FGGY: variants seen among roughly 807,000 people sequenced by gnomAD.
FGGY encodes FGGY carbohydrate kinase domain-containing protein.
In FGGY, 72 loss-of-function variants were observed where a neutral mutation model predicts 71.3. The observed-to-expected ratio is 1.01, with a 90% CI of 0.84 to 1.23. FGGY has a LOEUF of 1.23. FGGY is among the 50% of genes most tolerant of loss of function. The probability of loss-of-function intolerance (pLI) is 0.00; values close to 1 mark genes in which losing one functional copy is unlikely to be tolerated. For missense variants in FGGY, 668 were observed against 682.3 expected, an observed-to-expected ratio of 0.98 and a Z score of 0.23; for synonymous variants, 251 against 250.3, an observed-to-expected ratio of 1.00 and a Z score of -0.02.
intron 5 of FGGY, among the ~76,000 whole-genome samples, chr1:59,402,957 C>T (rs61684618): frequency 0.021 from 3,174 of 152,196 alleles, 100 homozygotes; most frequent in African/African-American, 0.072. Context: ...GGGTCCCGGG[C>T]TCCTGAGGCC....
At chr1:59,606,518 T>C (rs906069834) in intron 8 of FGGY, among the ~76,000 whole-genome samples, 1 of 152,226 alleles carries the variant, frequency 6.6e-6, no homozygotes, top group Admixed American at 6.5e-5. Context: ...TTGGCTGTTA[T>C]GTATTAACAT....
intron 14 of FGGY, chr1:59,697,574 T>C (rs1216102751): frequency 1.3e-6 from 1 of 786,480 alleles, no homozygotes; most frequent in African/African-American, 1.8e-5. Context: ...GCTTGTTCTC[T>C]GTGATCTGCT....
chr1:59,339,550 C>T (rs377149254), intron 2 of FGGY, among the ~76,000 whole-genome samples: 3 of 151,900 alleles, frequency 2.0e-5, no homozygotes, highest in Middle Eastern at 3.2e-3. Flanking sequence ...CTGTAACCTC[C>T]GTCTCCCAGG....
chr1:59,463,071 A>G (rs1188020922), intron 6 of FGGY, among the ~76,000 whole-genome samples: 6 of 152,228 alleles, frequency 3.9e-5, no homozygotes, highest in Admixed American at 1.3e-4. Flanking sequence ...ATGTCCATCA[A>G]TGACAGACTG....
chr1:59,525,762 A>G (rs753166217), intron 7 of FGGY, among the ~76,000 whole-genome samples: 9 of 152,180 alleles, frequency 5.9e-5, no homozygotes, highest in Non-Finnish European at 8.8e-5. Context: ...CCTACTGGGG[A>G]CGTTCATAAA....
intron 6 of FGGY, among the ~76,000 whole-genome samples, chr1:59,507,684 ATTT>A (rs561953004): frequency 3.1e-4 from 33 of 106,906 alleles, no homozygotes; most frequent in African/African-American, 1.1e-3. Context: ...TGCTTGGCTA[ATTT>A]TTTTTTTTTT....
chr1:59,451,575 G>A (rs759983287), intron 5 of FGGY, among the ~76,000 whole-genome samples: 15 of 152,080 alleles, frequency 9.9e-5, no homozygotes, highest in Non-Finnish European at 1.8e-4. Context: ...GACACACAGA[G>A]TGAGAAAGGG....
chr1:59,740,894 A>G (rs374218177), intron 14 of FGGY, among the ~76,000 whole-genome samples: 25 of 152,362 alleles, frequency 1.6e-4, no homozygotes, highest in African/African-American at 5.5e-4. Context: ...TGCAATATGT[A>G]AGATACACAC....
At position 59,483,962 on chromosome 1, in the gene FGGY, G is replaced by T. The variant is rs555545285; in HGVS notation, c.670+26886G>T. Among the ~76,000 whole-genome samples, 4 of 152,248 alleles carry T rather than the reference G, an allele frequency of 2.6e-5. No homozygotes were observed. In the East Asian group the frequency reaches 7.7e-4, roughly 29 times the overall value. On this transcript the variant is annotated intron_variant, in intron 6 of 15. Coordinates refer to ENST00000303721, the MANE Select transcript of FGGY (RefSeq NM_018291.5). ...AAAAAAAATAGGGAAAGGAAATAGTGTACTGATAATGGTTATCATTTGTTG... is the reference window on the plus strand; with the variant it reads ...AAAAAAAATAGGGAAAGGAAATAGTTTACTGATAATGGTTATCATTTGTTG...
intron 5 of FGGY, among the ~76,000 whole-genome samples, chr1:59,424,287 G>A (rs567505278): frequency 7.2e-5 from 11 of 152,316 alleles, no homozygotes; most frequent in African/African-American, 2.2e-4. Context: ...TGTGGCTCAC[G>A]CCTGTAATCC....
chr1:59,664,895 A>G (rs919606740), intron 12 of FGGY, among the ~76,000 whole-genome samples: 1 of 152,216 alleles, frequency 6.6e-6, no homozygotes, highest in Non-Finnish European at 1.5e-5. Context: ...CTGACAATCT[A>G]TAGAATTTTT....
intron 6 of FGGY, among the ~76,000 whole-genome samples, chr1:59,473,226 A>G (rs2153551940): frequency 6.6e-6 from 1 of 152,250 alleles, no homozygotes; most frequent in East Asian, 1.9e-4. Flanking sequence ...TCCTGAAGCC[A>G]GCGAGACCAC....
chr1:59,464,701 C>T (rs971284631), intron 6 of FGGY, among the ~76,000 whole-genome samples: 2 of 152,234 alleles, frequency 1.3e-5, no homozygotes, highest in Middle Eastern at 3.4e-3. Flanking sequence ...CACCACCAAT[C>T]CCACAGAAAT....
At chr1:59,572,804 C>T (rs1048283612) in intron 8 of FGGY, among the ~76,000 whole-genome samples, 2 of 152,154 alleles carry the variant, frequency 1.3e-5, no homozygotes, top group African/African-American at 4.8e-5. Context: ...TGAGCTGCTC[C>T]CCAGTGAGTA....
In FGGY at chr1:59,530,077, C is replaced by A. The variant is rs529571610; in HGVS notation, c.799+17638C>A. On this transcript the variant is annotated intron_variant, in intron 7 of 15. Transcript: ENST00000303721. ...TCAGGGTAATTCATCCAGTCTCAAA[C>A]TGGGCATTCATTTAAATCTATTGTC... is the stretch of plus-strand genomic sequence containing the variant. Among the ~76,000 whole-genome samples the A allele has an allele frequency of 6.2e-4, 95 of 152,102 alleles. 3 individuals are homozygous for A. In the South Asian group the frequency reaches 0.02, roughly 32 times the overall value.
At chr1:59,673,833 T>C (rs2097405718) in intron 13 of FGGY, 1 of 538,846 alleles carries the variant, frequency 1.9e-6, no homozygotes, top group Admixed American at 3.1e-5. Context: ...CCTTGGGCTC[T>C]TGGCTACTGC....
At chr1:59,413,020 C>G (rs1274947530) in intron 5 of FGGY, among the ~76,000 whole-genome samples, 1 of 152,190 alleles carries the variant, frequency 6.6e-6, no homozygotes, top group Non-Finnish European at 1.5e-5. Context: ...TCAGATTGTG[C>G]CACCTTTCTT....
chr1:59,590,418 A>T (rs987044634), intron 8 of FGGY, among the ~76,000 whole-genome samples: 9 of 152,224 alleles, frequency 5.9e-5, no homozygotes, highest in African/African-American at 9.6e-5. Flanking sequence ...AAAAGAGGTT[A>T]TCCTCCCTAA....
intron 6 of FGGY, among the ~76,000 whole-genome samples, chr1:59,457,903 T>C (rs1041672798): frequency 6.6e-6 from 1 of 152,166 alleles, no homozygotes; most frequent in African/African-American, 2.4e-5. Flanking sequence ...GTAAAGTACA[T>C]CTTCTATGTC....
Sources: gnomAD v4.1 joint callset for allele counts (sites outside exome capture counted in the v4.1 genomes callset) on GRCh38, gnomAD v4.1.1 for gene constraint, MANE v1.5 for transcripts, NCBI Gene and HGNC (gene_info 2026-07-23, HGNC 2026-07-21) for gene names.